AGER: variants seen among roughly 807,000 people sequenced by gnomAD.
AGER encodes the protein advanced glycosylation end-product specific receptor.
A neutral mutation model predicts 48.8 loss-of-function variants in AGER; 46 were observed. The observed-to-expected ratio is 0.94, with a 90% CI of 0.74 to 1.20. The LOEUF (loss-of-function observed/expected upper bound fraction) is 1.20. Ranked by LOEUF, AGER falls within the 50% of genes most tolerant of loss-of-function variation. The pLI is 0.00. For synonymous variants in AGER, 170 were observed against 199.9 expected (o/e 0.85, Z 1.26); for missense variants, 489 against 515.0 (o/e 0.95, Z 0.49).
rs767375903 is a variant in AGER at position 32,183,364 on chromosome 6, A to C, written c.380T>G (p.Val127Gly). 4.3e-6 allele frequency: 7 copies of C among 1,613,018 alleles called. No homozygotes were observed. In the African/African-American group the frequency reaches 9.3e-5, roughly 22 times the overall value. Residue 127 changes from valine to glycine, a missense_variant, in exon 4 of 11, where the codon GTA becomes GGA. Physicochemically the swap from Val to Gly is moderately radical, Grantham distance 109 (BLOSUM62 -3). Transcript: ENST00000375076. ...VYQIPGKPEI[V>G]DSASELTAGV... is the part of the protein sequence containing the mutation. Reference sequence around the variant, plus strand: ...AGCCGTGAGTTCAGAGGCAGAATCTACAATTTCTGGCTTCCCAGGAATCTC... The same window carrying C: ...AGCCGTGAGTTCAGAGGCAGAATCTCCAATTTCTGGCTTCCCAGGAATCTC...
Position 32,180,997 on chromosome 6 carries a change from T to C in AGER, c.*146A>G. On this transcript the variant is annotated 3_prime_UTR_variant, in exon 11 of 11. Coordinates refer to ENST00000375076, the MANE Select transcript of AGER (RefSeq NM_001136.5). Reference sequence around the variant, plus strand: ...GATGTGTCAGGTGTTTAATCATCATTGTGGGGGGCTCTGGTTGTAGAAGAA... The same window carrying C: ...GATGTGTCAGGTGTTTAATCATCATCGTGGGGGGCTCTGGTTGTAGAAGAA... 1 of 796,270 alleles carries C rather than the reference T, an allele frequency of 1.3e-6. No homozygotes were observed. The highest frequency in any genetic ancestry group is 2.1e-6 in the Non-Finnish European group (1 of 480,460). 49.3% of individuals were successfully genotyped at this position (796,270 alleles called of 1,614,324 possible).
Position 32,182,169 on chromosome 6 carries a change from G to T in AGER, c.964+78C>A. The T allele has an allele frequency of 6.2e-7, 1 of 1,602,142 alleles. No individual in the cohort carries two copies. The highest frequency in any genetic ancestry group is 1.1e-5 in the South Asian group (1 of 90,896). ...GGGGTGGCTGTTAGGGATAAGGCCAGAATGGGGCAGGAAATTAGAGCCTGT... is the reference window on the plus strand; with the variant it reads ...GGGGTGGCTGTTAGGGATAAGGCCATAATGGGGCAGGAAATTAGAGCCTGT... On this transcript the variant is annotated intron_variant, in intron 8 of 10. Coordinates refer to ENST00000375076, the MANE Select transcript of AGER (RefSeq NM_001136.5). This position sits in a 1 kb window ranked among gnomAD's most constrained non-coding sequence, Gnocchi z 5.1.
chr6:32,181,493 G>C lies in AGER; in HGVS notation c.992-16C>G. The C allele has an allele frequency of 1.2e-6, 2 of 1,613,212 alleles. No individual in the cohort carries two copies. Among genetic ancestry groups the C allele is most frequent in the Admixed American group, 3.3e-5 (2 of 60,026 alleles). On this transcript the variant is annotated splice_polypyrimidine_tract_variant and intron_variant, in intron 9 of 10. Coordinates refer to ENST00000375076, the MANE Select transcript of AGER (RefSeq NM_001136.5). The surrounding 1 kb of genome is among the most constrained non-coding windows in gnomAD (Gnocchi z 4.1). The stretch of plus-strand genomic sequence containing the variant: ...CCCACAGAGCCTGTACGGAGACAGG[G>C]AAAATTGAGAGCACAGCCACCACCA...
Position 32,181,127 on chromosome 6 carries a change from T to G in AGER, c.*16A>C. 1 of 1,613,102 alleles carries G rather than the reference T, an allele frequency of 6.2e-7. No individual in the cohort carries two copies. The highest frequency in any genetic ancestry group is 8.5e-7 in the Non-Finnish European group (1 of 1,179,124). On this transcript the variant is annotated 3_prime_UTR_variant, in exon 11 of 11. Coordinates refer to ENST00000375076, the MANE Select transcript of AGER (RefSeq NM_001136.5). This position sits in a 1 kb window ranked among gnomAD's most constrained non-coding sequence, Gnocchi z 4.1. ...AAGAAAAGGGAGCTGATGGATGGGA[T>G]CTGTCTGTGGGCCCCTCAAGGCCCT...
rs1209178917 is a variant in AGER at position 32,182,191 on chromosome 6, CT to C, written c.964+55del. 3 of 1,610,788 alleles carry C rather than the reference CT, an allele frequency of 1.9e-6. No homozygotes were observed. Among genetic ancestry groups the C allele is most frequent in the Non-Finnish European group, 2.5e-6 (3 of 1,179,144 alleles). On this transcript the variant is annotated intron_variant, in intron 8 of 10. Transcript: ENST00000375076. The surrounding 1 kb of genome is among the most constrained non-coding windows in gnomAD (Gnocchi z 5.1). ...CCAGAATGGGGCAGGAAATTAGAGC[CT>C]GTGCTGTCCTGCACCCTAGTCCCAG...
Position 32,181,628 on chromosome 6 carries a change from T to C in AGER, c.969A>G (p.Pro323=), listed in dbSNP as rs986387307. ...SRAVSISIIE[P]GEEGPTAGSV... ...CACCTGCAGTTGGCCCCTCCTCGCCTGGTTCTGGAAGACAAAGTTGGATCC... is the reference window on the plus strand; with the variant it reads ...CACCTGCAGTTGGCCCCTCCTCGCCCGGTTCTGGAAGACAAAGTTGGATCC... The change falls in exon 9 of 11, where the codon CCA becomes CCG. Residue 323 remains proline, a synonymous_variant. Transcript: ENST00000375076. The surrounding 1 kb of genome is among the most constrained non-coding windows in gnomAD (Gnocchi z 4.1). The C allele has an allele frequency of 6.2e-7, 1 of 1,612,962 alleles. No homozygotes were observed. Among genetic ancestry groups the C allele is most frequent in the African/African-American group, 1.3e-5 (1 of 74,940 alleles).
At position 32,182,400 on chromosome 6, in the gene AGER, A is replaced by T; in HGVS notation, c.823-12T>A. 1 of 1,605,538 alleles carries T rather than the reference A, an allele frequency of 6.2e-7. No individual in the cohort carries two copies. Among genetic ancestry groups the T allele is most frequent in the Non-Finnish European group, 8.5e-7 (1 of 1,175,632 alleles). ...GGCAAGGGCACACCCTGGTGGGGGA[A>T]GGGGAGAGGAGACTATTTCAAAACC... On this transcript the variant is annotated splice_polypyrimidine_tract_variant and intron_variant, in intron 7 of 10. Coordinates refer to ENST00000375076, the MANE Select transcript of AGER (RefSeq NM_001136.5). This position sits in a 1 kb window ranked among gnomAD's most constrained non-coding sequence, Gnocchi z 5.1.
In AGER at chr6:32,181,952, C is replaced by T. The variant is rs1019159792; in HGVS notation, c.964+295G>A. The T allele has an allele frequency of 9.8e-6, 6 of 610,022 alleles. No homozygotes were observed. Among genetic ancestry groups the T allele is most frequent in the South Asian group, 3.8e-5 (2 of 52,542 alleles). 37.8% of individuals were successfully genotyped at this position (610,022 alleles called of 1,614,324 possible). On this transcript the variant is annotated intron_variant, in intron 8 of 10. Coordinates refer to ENST00000375076, the MANE Select transcript of AGER (RefSeq NM_001136.5). The surrounding 1 kb of genome is among the most constrained non-coding windows in gnomAD (Gnocchi z 4.1). ...TTCTCCATGTTGGTCAGGCTGGTCT[C>T]GAACTCCCTACCTCAGGTGATCTGC...
intron 3 of AGER, 32 bp downstream of exon 3, chr6:32,183,523 G>A: frequency 1.2e-6 from 2 of 1,612,820 alleles, no homozygotes; most frequent in Non-Finnish European, 1.7e-6. Context: ...TAGGTAAGAG[G>A]GAGGCCTTGG....
In AGER at chr6:32,181,035, TG is replaced by T; in HGVS notation, c.*107del. 8.8e-7 allele frequency: 1 copy of T among 1,134,158 alleles called. No individual in the cohort carries two copies. The highest frequency in any genetic ancestry group is 1.3e-6 in the Non-Finnish European group (1 of 771,514). 70.3% of individuals were successfully genotyped at this position (1,134,158 alleles called of 1,614,324 possible). On this transcript the variant is annotated 3_prime_UTR_variant, in exon 11 of 11. Transcript: ENST00000375076. This position sits in a 1 kb window ranked among gnomAD's most constrained non-coding sequence, Gnocchi z 4.1. ...GGTTGTAGAAGAAAGCTTGGCAAGG[TG>T]GGGTTATACAGGAGAGAGATTATAC...
chr6:32,181,143 T>C lies in AGER; in HGVS notation c.1215A>G (p.Ter405TrpextTer17). 1 of 1,614,104 alleles carries C rather than the reference T, an allele frequency of 6.2e-7. No individual in the cohort carries two copies. Among genetic ancestry groups the C allele is most frequent in the African/African-American group, 1.3e-5 (1 of 75,050 alleles). ...EAGESSTGGP[*>W] is the part of the protein sequence containing the mutation. ...TGGATGGGATCTGTCTGTGGGCCCC[T>C]CAAGGCCCTCCAGTACTACTCTCGC... Residue 405 changes from the stop codon to tryptophan (W), a stop_lost, in exon 11 of 11, where the codon TGA becomes TGG. Coordinates refer to ENST00000375076, the MANE Select transcript of AGER (RefSeq NM_001136.5). This position sits in a 1 kb window ranked among gnomAD's most constrained non-coding sequence, Gnocchi z 4.1.
Position 32,181,700 on chromosome 6 carries a change from GC to G in AGER, c.965-69del. 1 of 1,481,452 alleles carries G rather than the reference GC, an allele frequency of 6.8e-7. No individual in the cohort carries two copies. The highest frequency in any genetic ancestry group is 9.3e-7 in the Non-Finnish European group (1 of 1,078,206). The allele number at this position is 1,481,452 out of a possible 1,614,324, so 91.8% of individuals were successfully genotyped here. The stretch of plus-strand genomic sequence containing the variant: ...GTTGAGAGAGGGTTATTTAGTGGGA[GC>G]CCCAGTGGAGTCTTTCCCTTTCTTT... On this transcript the variant is annotated intron_variant, in intron 8 of 10. Transcript: ENST00000375076. This position sits in a 1 kb window ranked among gnomAD's most constrained non-coding sequence, Gnocchi z 4.1.
chr6:32,182,001 G>T lies in AGER; in HGVS notation c.964+246C>A. ...GCCCGCCTCAGCCTCCCAAAGTGTT[G>T]GGATTACAGGCGTGAGCCACCGCGC... On this transcript the variant is annotated intron_variant, in intron 8 of 10. Transcript: ENST00000375076. This position sits in a 1 kb window ranked among gnomAD's most constrained non-coding sequence, Gnocchi z 5.1. The T allele has an allele frequency of 1.5e-6, 1 of 685,298 alleles. No homozygotes were observed. Among genetic ancestry groups the T allele is most frequent in the Non-Finnish European group, 2.6e-6 (1 of 386,746 alleles). The allele number at this position is 685,298 out of a possible 1,614,324, so 42.5% of individuals were successfully genotyped here.
Position 32,182,284 on chromosome 6 carries a change from C to T in AGER, c.927G>A (p.Gly309=). The part of the protein sequence containing the change: ...YSCVATHSSH[G]PQESRAVSIS... ...TGCTGACAGCACGGCTTTCCTGGGG[C>T]CCGTGGCTGGAATGGGTGGCCACAC... The change falls in exon 8 of 11, where the codon GGG becomes GGA. Residue 309 remains glycine (G), a synonymous_variant. Transcript: ENST00000375076. This position sits in a 1 kb window ranked among gnomAD's most constrained non-coding sequence, Gnocchi z 5.1. 1 of 1,612,806 alleles carries T rather than the reference C, an allele frequency of 6.2e-7. No homozygotes were observed. Among genetic ancestry groups the T allele is most frequent in the Non-Finnish European group, 8.5e-7 (1 of 1,179,994 alleles).
chr6:32,183,683 G>A lies in AGER; in HGVS notation c.227C>T (p.Ala76Val), dbSNP rs1178205910. 5.6e-6 allele frequency: 9 copies of A among 1,613,116 alleles called. No homozygotes were observed. Among genetic ancestry groups the A allele is most frequent in the South Asian group, 4.4e-5 (4 of 91,088 alleles). ...GAGGGAGCCGTTGGGAAGGACACGA[G>A]CCACACTGTCCCAGGGGCCTCCTCC... ...PQGGGPWDSV[A>V]RVLPNGSLFL... is the part of the protein sequence containing the mutation. The change falls in exon 3 of 11, where the codon GCT (alanine) becomes GTT (valine). Residue 76 changes from alanine to valine, a missense_variant. Transcript: ENST00000375076.
rs368048335 is a variant in AGER at position 32,182,940 on chromosome 6, G to A, written c.592C>T (p.Arg198Trp). ...AAGGTGGGACGGGGATCTCCTCCCC[G>A]GGCTGGGGTCACCATTAGCTCCGAC... ...LQSELMVTPA[R>W]GGDPRPTFSC... The change falls in exon 6 of 11, where the codon CGG becomes TGG. Residue 198 changes from arginine (R) to tryptophan (W), a missense_variant. By Grantham distance (101) the Arg-to-Trp change is moderately radical. Coordinates refer to ENST00000375076, the MANE Select transcript of AGER (RefSeq NM_001136.5). The surrounding 1 kb of genome is among the most constrained non-coding windows in gnomAD (Gnocchi z 5.1). 9.2e-5 allele frequency: 149 copies of A among 1,612,466 alleles called. No individual in the cohort carries two copies. The highest frequency in any genetic ancestry group is 1.2e-4 in the Non-Finnish European group (137 of 1,179,812).
In AGER at chr6:32,183,625, C is replaced by T. The variant is rs746882232; in HGVS notation, c.285G>A (p.Gly95=). ...TGTTCATTGCCTGGCACCGGAAAAT[C>T]CCCTCATCCTGGATCCCGACAGCCG... ...FLPAVGIQDE[G]IFRCQAMNRN... The change falls in exon 3 of 11, where the codon GGG becomes GGA. Residue 95 remains glycine, a synonymous_variant. Coordinates refer to ENST00000375076, the MANE Select transcript of AGER (RefSeq NM_001136.5). 1 of 1,613,108 alleles carries T rather than the reference C, an allele frequency of 6.2e-7. No individual in the cohort carries two copies. Among genetic ancestry groups the T allele is most frequent in the South Asian group, 1.1e-5 (1 of 91,090 alleles).
chr6:32,182,809 G>C lies in AGER; in HGVS notation c.691+32C>G, dbSNP rs779963882. The C allele has an allele frequency of 1.9e-6, 3 of 1,612,614 alleles. No homozygotes were observed. The South Asian group carries it at 3.3e-5, about 18-fold the overall frequency. ...GGTCAGACTTCCAGAACGTGCTCACGTGAGCTTGGGGCCCTCCCCACCTAT... is the reference window on the plus strand; with the variant it reads ...GGTCAGACTTCCAGAACGTGCTCACCTGAGCTTGGGGCCCTCCCCACCTAT... On this transcript the variant is annotated intron_variant, in intron 6 of 10. Coordinates refer to ENST00000375076, the MANE Select transcript of AGER (RefSeq NM_001136.5). This position sits in a 1 kb window ranked among gnomAD's most constrained non-coding sequence, Gnocchi z 5.1.
At position 32,182,360 on chromosome 6, in the gene AGER, G is replaced by T. The variant is rs1465501937; in HGVS notation, c.851C>A (p.Pro284His). The T allele has an allele frequency of 1.9e-6, 3 of 1,612,484 alleles. No homozygotes were observed. The African/African-American group carries it at 4.0e-5, about 22-fold the overall frequency. Reference sequence around the variant, plus strand: ...CCCTATCTCAGGGAGGATCAGCACAGGGCTGGGGGGAAGGGGCAAGGGCAC... The same window carrying T: ...CCCTATCTCAGGGAGGATCAGCACATGGCTGGGGGGAAGGGGCAAGGGCAC... ...DGVPLPLPPS[P>H]VLILPEIGPQ... Residue 284 changes from proline (P) to histidine (H), a missense_variant, in exon 8 of 11, where the codon CCT (proline) becomes CAT (histidine). Physicochemically the swap from Pro to His is moderately conservative, Grantham distance 77. Coordinates refer to ENST00000375076, the MANE Select transcript of AGER (RefSeq NM_001136.5). This position sits in a 1 kb window ranked among gnomAD's most constrained non-coding sequence, Gnocchi z 5.1.
Sources: allele counts gnomAD v4.1 joint callset, GRCh38; gene constraint gnomAD v4.1.1; non-coding constraint Gnocchi (gnomAD v3.1); transcripts MANE v1.5; gene names NCBI Gene and HGNC (gene_info 2026-07-23, HGNC 2026-07-21).